The following ADARB2 variants were observed in gnomAD, a reference collection of about 807,000 sequenced individuals.
ADARB2 encodes the protein inactive double-stranded RNA-specific editase B2.
ADARB2 carries 25 observed loss-of-function variants against 62.2 expected under a neutral mutation model. The ratio of observed to expected loss-of-function variants is 0.40; its 90% CI spans 0.29 to 0.56. The LOEUF is 0.56. Ranked by LOEUF, ADARB2 falls within the 20% of genes least tolerant of loss-of-function variation. ADARB2 has a pLI of 0.43. For missense variants in ADARB2, 1,071 were observed against 1,077.4 expected, an observed-to-expected ratio of 0.99 and a Z score of 0.08; for synonymous variants, 572 against 500.8, an observed-to-expected ratio of 1.14 and a Z score of -1.90.
chr10:1,703,333 ATGGGGCCTG>A lies in ADARB2; in HGVS notation c.100+33709_100+33717del, dbSNP rs556113208. ...TAGCGTACTTCTAAGGGAATAGAGG[ATGGGGCCTG>A]TGGGGACCTGGAGGAGTGGAGCTCC... is the stretch of plus-strand genomic sequence containing the variant. On this transcript the variant is annotated intron_variant, in intron 1 of 9. Coordinates refer to ENST00000381312, the MANE Select transcript of ADARB2 (RefSeq NM_018702.4). Among the ~76,000 whole-genome samples the A allele has an allele frequency of 3.8e-3, 573 of 152,216 alleles. 13 individuals carry two copies. Among genetic ancestry groups the A allele is most frequent in the East Asian group, 2.3e-3 (12 of 5,182 alleles).
intron 4 of ADARB2, among the ~76,000 whole-genome samples, chr10:1,265,599 G>A (rs113772395): frequency 0.034 from 4,270 of 127,180 alleles, 442 homozygotes; most frequent in African/African-American, 0.15. Context: ...TCTCCCGGAA[G>A]ACGGCCTGAG....
At chr10:1,689,574 T>A (rs1397093595) in intron 1 of ADARB2, among the ~76,000 whole-genome samples, 1 of 152,206 alleles carries the variant, frequency 6.6e-6, no homozygotes, top group Non-Finnish European at 1.5e-5. Context: ...CAACACTTCC[T>A]AGAGAGCATC....
intron 3 of ADARB2, among the ~76,000 whole-genome samples, chr10:1,284,324 C>T (rs189301189): frequency 1.2e-4 from 19 of 152,200 alleles, no homozygotes; most frequent in South Asian, 2.1e-4. Context: ...GGCCTGGCAC[C>T]GAGGGCACGT....
At chr10:1,232,762 G>A (rs966691346) in intron 6 of ADARB2, among the ~76,000 whole-genome samples, 10 of 148,810 alleles carry the variant, frequency 6.7e-5, no homozygotes, top group African/African-American at 2.3e-4. Flanking sequence ...GGTATGTGGT[G>A]TGTGTGGTAT....
intron 1 of ADARB2, among the ~76,000 whole-genome samples, chr10:1,673,668 G>A (rs750791343): frequency 3.9e-5 from 6 of 152,304 alleles, no homozygotes; most frequent in Non-Finnish European, 7.4e-5. Flanking sequence ...GGATCATAAC[G>A]ATGACGAAGG....
At chr10:1,368,878 G>C (rs1056524066) in intron 2 of ADARB2, among the ~76,000 whole-genome samples, 2 of 63,640 alleles carry the variant, frequency 3.1e-5, no homozygotes, top group Non-Finnish European at 4.6e-5. Flanking sequence ...TGTGGCAGTC[G>C]TGGGGCCGGG....
chr10:1,525,135 T>C (rs1832124379), intron 1 of ADARB2, among the ~76,000 whole-genome samples: 1 of 152,162 alleles, frequency 6.6e-6, no homozygotes, highest in Non-Finnish European at 1.5e-5. Context: ...AAACACTTTT[T>C]GTACTAATAG....
intron 3 of ADARB2, among the ~76,000 whole-genome samples, chr10:1,330,383 T>G (rs1831917860): frequency 2.0e-5 from 3 of 152,254 alleles, no homozygotes; most frequent in Non-Finnish European, 4.4e-5. Flanking sequence ...ATAGAGGATC[T>G]ATAAATCACT....
chr10:1,224,365 T>A (rs1830724846), intron 6 of ADARB2, among the ~76,000 whole-genome samples: 1 of 132,860 alleles, frequency 7.5e-6, no homozygotes, highest in Non-Finnish European at 1.7e-5. Context: ...GTTGATCTTT[T>A]CAAAAAAACA....
chr10:1,617,574 C>G (rs1446349769), intron 1 of ADARB2, among the ~76,000 whole-genome samples: 20 of 116,668 alleles, frequency 1.7e-4, no homozygotes, highest in African/African-American at 5.6e-4. Flanking sequence ...TTGTGTGCCT[C>G]TCCAGACACA....
intron 1 of ADARB2, among the ~76,000 whole-genome samples, chr10:1,602,633 CATACATATGCACACACACCTGT>C (rs1286329299): frequency 2.6e-5 from 4 of 151,992 alleles, no homozygotes; most frequent in Non-Finnish European, 4.4e-5. Flanking sequence ...CACACATCCA[CATACATATGCACACACACCTGT>C]ACATACACAT....
chr10:1,505,788 C>G (rs559612571), intron 1 of ADARB2, among the ~76,000 whole-genome samples: 1 of 152,078 alleles, frequency 6.6e-6, no homozygotes, highest in Admixed American at 6.6e-5. Flanking sequence ...CTGCCACTCC[C>G]GTCCCCACCG....
intron 1 of ADARB2, among the ~76,000 whole-genome samples, chr10:1,433,884 G>T (rs1057286230): frequency 1.5e-4 from 23 of 152,098 alleles, no homozygotes; most frequent in Admixed American, 1.5e-3. Context: ...CAAAGTTTCC[G>T]CTAAGATACA....
At chr10:1,261,942 C>G (rs1831141453) in intron 4 of ADARB2, among the ~76,000 whole-genome samples, 1 of 148,144 alleles carries the variant, frequency 6.8e-6, no homozygotes, top group Non-Finnish European at 1.5e-5. Flanking sequence ...CACATATACA[C>G]CATGGAATAC....
chr10:1,653,999 C>T (rs1834145812), intron 1 of ADARB2, among the ~76,000 whole-genome samples: 1 of 152,050 alleles, frequency 6.6e-6, no homozygotes, highest in South Asian at 2.1e-4. Context: ...CCCACAGCTG[C>T]CCCGGGGGTC....
chr10:1,550,831 C>T (rs1485353194), intron 1 of ADARB2, among the ~76,000 whole-genome samples: 5 of 151,028 alleles, frequency 3.3e-5, no homozygotes, highest in African/African-American at 4.9e-5. Flanking sequence ...GCAGAGTCTC[C>T]GCCTAACGGT....
At chr10:1,422,436 G>A (rs77787890) in intron 1 of ADARB2, among the ~76,000 whole-genome samples, 2,461 of 152,260 alleles carry the variant, frequency 0.016, 52 homozygotes, top group African/African-American at 0.047. Flanking sequence ...CTGCAGGTGA[G>A]GGCACAGGTG....
At chr10:1,510,081 T>TTC (rs775372060) in intron 1 of ADARB2, among the ~76,000 whole-genome samples, 71 of 149,298 alleles carry the variant, frequency 4.8e-4, no homozygotes, top group Non-Finnish European at 8.6e-4. Flanking sequence ...TTCTTTCTCT[T>TTC]TCTCTCTCTC....
intron 1 of ADARB2, among the ~76,000 whole-genome samples, chr10:1,726,795 G>A (rs552802736): frequency 1.3e-5 from 2 of 152,292 alleles, no homozygotes; most frequent in South Asian, 4.2e-4. Context: ...TGTGCATTCA[G>A]GAGGGAGGAG....
Sources: gnomAD v4.1 joint callset for allele counts (sites outside exome capture counted in the v4.1 genomes callset) on GRCh38, gnomAD v4.1.1 for gene constraint, MANE v1.5 for transcripts, NCBI Gene and HGNC (gene_info 2026-07-23, HGNC 2026-07-21) for gene names.